The following ZNF599 variants were observed in gnomAD, a reference collection of about 807,000 sequenced individuals.
ZNF599 encodes zinc finger protein 599.
In ZNF599, 10 loss-of-function variants were observed where a neutral mutation model predicts 11.7. The ratio of observed to expected loss-of-function variants is 0.86; its 90% CI spans 0.53 to 1.45. ZNF599 has a LOEUF of 1.45. Ranked by LOEUF, ZNF599 falls within the 40% of genes most tolerant of loss-of-function variation. The pLI, the probability that ZNF599 is intolerant of heterozygous loss-of-function variation, is 0.00. For synonymous variants in ZNF599, 232 were observed against 253.2 expected, an observed-to-expected ratio of 0.92 and a Z score of 0.79; for missense variants, 688 against 713.6, an observed-to-expected ratio of 0.96 and a Z score of 0.41.
chr19:34,806,647 T>TACTC, the ZNF599 span, among the ~76,000 whole-genome samples: 79,714 of 151,526 alleles, frequency 0.53, 21,352 homozygotes, highest in East Asian at 0.8. Context: ...AGAATAGACT[T>TACTC]ATCAGATGAG....
chr19:34,767,920 G>C (rs1375268229), intron 2 of ZNF599, among the ~76,000 whole-genome samples: 1 of 152,188 alleles, frequency 6.6e-6, no homozygotes, highest in African/African-American at 2.4e-5. Flanking sequence ...GCACCTCAGG[G>C]CTTCTCATTA....
At chr19:34,794,132 C>T in the ZNF599 span, among the ~76,000 whole-genome samples, 4 of 152,138 alleles carry the variant, frequency 2.6e-5, no homozygotes, top group East Asian at 1.9e-4. Context: ...CATCAGGTCT[C>T]GTGAGACCCA....
chr19:34,800,567 T>A, the ZNF599 span, among the ~76,000 whole-genome samples: 2 of 151,770 alleles, frequency 1.3e-5, no homozygotes, highest in East Asian at 3.9e-4. Flanking sequence ...CAATGTTTTT[T>A]ATTTCTAGCA....
At chr19:34,803,913 G>T in the ZNF599 span, among the ~76,000 whole-genome samples, 2 of 152,134 alleles carry the variant, frequency 1.3e-5, no homozygotes, top group African/African-American at 4.8e-5. Context: ...CATAGATATT[G>T]CTATCTTCCT....
chr19:34,777,700 T>C (rs2069228536), upstream of ZNF599, among the ~76,000 whole-genome samples: 1 of 149,670 alleles, frequency 6.7e-6, no homozygotes, highest in Non-Finnish European at 1.5e-5. Flanking sequence ...GAGAGCATTA[T>C]GCTCAGTTAA....
chr19:34,798,321 C>T, the ZNF599 span, among the ~76,000 whole-genome samples: 1 of 152,172 alleles, frequency 6.6e-6, no homozygotes, highest in East Asian at 1.9e-4. Context: ...TTCTCAGCGA[C>T]AGAGCAAAGA....
At position 34,773,059 on chromosome 19, in the gene ZNF599, G is replaced by C. The variant is rs1042794961; in HGVS notation, c.-218C>G. ...GTTTTGCAGACGCTTGTGGGGGTGG[G>C]ATCGCGGCTGACATAAAAGCGTGTA... On this transcript the variant is annotated 5_prime_UTR_variant, in exon 1 of 4. It adds an upstream start codon to the 5' untranslated region. Transcript: ENST00000329285. The C allele has an allele frequency of 3.7e-6, 2 of 546,950 alleles. No homozygotes were observed. The highest frequency in any genetic ancestry group is 4.0e-5 in the African/African-American group (2 of 49,464). 33.9% of individuals were successfully genotyped at this position (546,950 alleles called of 1,614,324 possible). A position where few individuals can be genotyped will look rare whatever the true frequency, so the allele number is the denominator to read the frequency against.
upstream of ZNF599, among the ~76,000 whole-genome samples, chr19:34,777,444 T>C (rs1232014007): frequency 5.1e-5 from 5 of 97,586 alleles, no homozygotes; most frequent in African/African-American, 8.4e-5. Context: ...ATATGATATA[T>C]ATTAATTAAT....
Position 34,761,621 on chromosome 19 carries a change from C to T in ZNF599, c.242-1062G>A, listed in dbSNP as rs374691088. 4.6e-5 allele frequency among the ~76,000 whole-genome samples: 7 copies of T among 152,208 alleles called. No homozygotes were observed. The South Asian group carries it at 6.2e-4, about 14-fold the overall frequency. On this transcript the variant is annotated intron_variant, in intron 3 of 3. Coordinates refer to ENST00000329285, the MANE Select transcript of ZNF599 (RefSeq NM_001007248.3). ...AAAGGGAAAAATGAAATAGAGAACT[C>T]AGAAATGTATATATGTAACTTTGAT...
rs200440752 is a variant in ZNF599, at chr19:34,759,056, C to T, written c.1745G>A (p.Arg582Gln). The change falls in exon 4 of 4, where the codon CGA becomes CAA. Residue 582 changes from arginine to glutamine, a missense_variant. Physicochemically the swap from Arg to Gln is conservative, Grantham distance 43. Transcript: ENST00000329285. Reference protein sequence around the residue: ...FSHSSSFTHHRKIHTRV With the variant: ...FSHSSSFTHHQKIHTRV ...CTTTTAAACTCTGGTATGAATCTTT[C>T]GATGGTGAGTGAACGATGAACTGTG... 1.4e-4 allele frequency: 227 copies of T among 1,611,286 alleles called. No individual in the cohort carries two copies. Among genetic ancestry groups the T allele is most frequent in the Middle Eastern group, 1.7e-4 (1 of 6,054 alleles).
At chr19:34,765,474 G>T in intron 3 of ZNF599, 1 of 677,500 alleles carries the variant, frequency 1.5e-6, no homozygotes, top group South Asian at 1.6e-5. Flanking sequence ...CCATAGGTGG[G>T]AGATAATAAA....
At chr19:34,805,766 A>G in the ZNF599 span, among the ~76,000 whole-genome samples, 2 of 151,826 alleles carry the variant, frequency 1.3e-5, no homozygotes, top group South Asian at 2.1e-4. Flanking sequence ...AAACCACCCA[A>G]CTTCTCAGAC....
the ZNF599 span, among the ~76,000 whole-genome samples, chr19:34,788,906 CT>C: frequency 2.0e-5 from 3 of 152,148 alleles, no homozygotes; most frequent in African/African-American, 7.2e-5. Flanking sequence ...ACTAATCTAG[CT>C]AATTAATATA....
intron 2 of ZNF599, among the ~76,000 whole-genome samples, chr19:34,769,131 A>G (rs534988214): frequency 6.6e-6 from 1 of 152,328 alleles, no homozygotes; most frequent in South Asian, 2.1e-4. Context: ...CTGTGAGGAC[A>G]TTTGACTCAA....
At chr19:34,783,341 G>T in the ZNF599 span, among the ~76,000 whole-genome samples, 3 of 152,216 alleles carry the variant, frequency 2.0e-5, no homozygotes, top group East Asian at 5.8e-4. Flanking sequence ...TTCACAGAAA[G>T]GAAGAGGCAA....
In ZNF599 at chr19:34,760,045, T is replaced by C. The variant is rs373210245; in HGVS notation, c.756A>G (p.Glu252=). The C allele has an allele frequency of 1.3e-4, 211 of 1,613,910 alleles. No homozygotes were observed. The highest frequency in any genetic ancestry group is 1.7e-4 in the Non-Finnish European group (197 of 1,179,996). The part of the protein sequence containing the change: ...VIRHMRLHTG[E]KPYKCIECGK... ...CACACTCAATACACTTGTATGGTTTTTCCCCAGTATGAAGCCTCATATGTC... is the reference window on the plus strand; with the variant it reads ...CACACTCAATACACTTGTATGGTTTCTCCCCAGTATGAAGCCTCATATGTC... The change falls in exon 4 of 4, where the codon GAA becomes GAG. Residue 252 remains glutamate, a synonymous_variant. Coordinates refer to ENST00000329285, the MANE Select transcript of ZNF599 (RefSeq NM_001007248.3).
the ZNF599 span, among the ~76,000 whole-genome samples, chr19:34,789,393 T>C: frequency 2.0e-5 from 3 of 152,222 alleles, no homozygotes. Context: ...CTGGATCACA[T>C]GGTAATTCTA....
the ZNF599 span, among the ~76,000 whole-genome samples, chr19:34,787,874 T>C: frequency 6.6e-6 from 1 of 152,170 alleles, no homozygotes; most frequent in African/African-American, 2.4e-5. Flanking sequence ...ACCCATCAAT[T>C]TGGCCACCAG....
Position 34,773,018 on chromosome 19 carries a change from C to T in ZNF599, c.-177G>A. ...CGCCGTGAGGACACAGGGCTGTCGC[C>T]AAGGCCCCAGGAAGGGTTTTGCAGA... On this transcript the variant is annotated 5_prime_UTR_variant, in exon 1 of 4. It introduces an in-frame stop codon into an upstream open reading frame of the 5' UTR. Transcript: ENST00000329285. 2.8e-6 allele frequency: 2 copies of T among 717,262 alleles called. No homozygotes were observed. The highest frequency in any genetic ancestry group is 3.3e-5 in the East Asian group (1 of 30,250). The allele number at this position is 717,262 out of a possible 1,614,324, so 44.4% of individuals were successfully genotyped here.
Sources: gnomAD v4.1 joint callset for allele counts (sites outside exome capture counted in the v4.1 genomes callset) on GRCh38, gnomAD v4.1.1 for gene constraint, MANE v1.5 for transcripts, NCBI Gene and HGNC (gene_info 2026-07-23, HGNC 2026-07-21) for gene names.